Variants in DLC1 observed in about 807,000 individuals in gnomAD.
DLC1 encodes rho GTPase-activating protein 7.
DLC1 carries 54 observed loss-of-function variants against 140.3 expected under a neutral mutation model. The observed-to-expected ratio is 0.38, with a 90% confidence interval of 0.31 to 0.48. The LOEUF is 0.48. DLC1 is among the 20% of genes least tolerant of loss of function. The probability of loss-of-function intolerance (pLI) is 0.96; values close to 1 mark genes in which losing one functional copy is unlikely to be tolerated. For synonymous variants in DLC1, 986 were observed against 728.1 expected, an observed-to-expected ratio of 1.35 and a Z score of -5.70; for missense variants, 2,536 against 1,907.0, an observed-to-expected ratio of 1.33 and a Z score of -6.14.
intron 2 of DLC1, among the ~76,000 whole-genome samples, chr8:13,438,088 A>G (rs780884520): frequency 2.0e-5 from 3 of 150,804 alleles, no homozygotes; most frequent in Admixed American, 6.6e-5. Context: ...CTCTTTCAAT[A>G]CTTTTCTCTA....
intron 5 of DLC1, 65 bp downstream of exon 5, chr8:13,305,204 T>C (rs1253862823): frequency 6.3e-7 from 1 of 1,584,658 alleles, no homozygotes; most frequent in Admixed American, 1.8e-5. Flanking sequence ...ATAAAATGCC[T>C]ATTTTAAGGT....
intron 1 of DLC1, chr8:13,584,203 C>A (rs182145327): frequency 2.7e-3 from 407 of 153,528 alleles, no homozygotes; most frequent in Non-Finnish European, 4.3e-3. Flanking sequence ...CTAGACAGTG[C>A]GAACTGCTGA....
chr8:13,410,502 C>G lies in DLC1; in HGVS notation c.1024-8883G>C, dbSNP rs571174795. Reference sequence around the variant, plus strand: ...AATTTCAACAAATCAAAGAATTTGGCTTAACAAAGAAAAACGCAAGACCAC... The same window carrying G: ...AATTTCAACAAATCAAAGAATTTGGGTTAACAAAGAAAAACGCAAGACCAC... On this transcript the variant is annotated intron_variant, in intron 2 of 17. Transcript: ENST00000276297. 1.2e-4 allele frequency among the ~76,000 whole-genome samples: 18 copies of G among 152,014 alleles called. No homozygotes were observed. In the South Asian group the frequency reaches 3.5e-3, roughly 30 times the overall value.
At chr8:13,112,115 C>T (rs962903947) in intron 6 of DLC1, among the ~76,000 whole-genome samples, 2 of 152,088 alleles carry the variant, frequency 1.3e-5, no homozygotes, top group African/African-American at 4.8e-5. Flanking sequence ...TATACCATTG[C>T]ACTTCAGCCT....
chr8:13,351,988 C>T (rs1265883423), intron 4 of DLC1, among the ~76,000 whole-genome samples: 1 of 152,206 alleles, frequency 6.6e-6, no homozygotes, highest in Non-Finnish European at 1.5e-5. Context: ...CCCGCCTTGG[C>T]CTCCCAAAGT....
chr8:13,121,625 T>C (rs1821079227), intron 5 of DLC1, among the ~76,000 whole-genome samples: 1 of 152,166 alleles, frequency 6.6e-6, no homozygotes, highest in African/African-American at 2.4e-5. Flanking sequence ...CACAGCTCTC[T>C]GTAGCCTTGA....
intron 5 of DLC1, among the ~76,000 whole-genome samples, chr8:13,215,862 T>G (rs1480003395): frequency 6.6e-6 from 1 of 152,120 alleles, no homozygotes; most frequent in Non-Finnish European, 1.5e-5. Flanking sequence ...AATCTACTGA[T>G]TTTTCTGTCT....
intron 5 of DLC1, among the ~76,000 whole-genome samples, chr8:13,145,376 TAA>T (rs771958526): frequency 6.6e-6 from 1 of 152,218 alleles, no homozygotes; most frequent in Non-Finnish European, 1.5e-5. Context: ...AAACGTATAC[TAA>T]GTTTATACTT....
Position 13,421,432 on chromosome 8 carries a change from A to G in DLC1, c.1024-19813T>C, listed in dbSNP as rs549894848. On this transcript the variant is annotated intron_variant, in intron 2 of 17. Coordinates refer to ENST00000276297, the MANE Select transcript of DLC1 (RefSeq NM_182643.3). ...TAATCTTTAATAACCATCTGCATAT[A>G]TCTGGCAATCTCTAAAAGTCAAAGT... Among the ~76,000 whole-genome samples the G allele has an allele frequency of 1.0e-3, 157 of 152,292 alleles. No individual in the cohort carries two copies. In the East Asian group the frequency reaches 0.011, roughly 11 times the overall value.
chr8:13,440,559 A>C (rs1798460784), intron 2 of DLC1, among the ~76,000 whole-genome samples: 1 of 151,860 alleles, frequency 6.6e-6, no homozygotes, highest in African/African-American at 2.4e-5. Flanking sequence ...GAGATGAAAC[A>C]TCCAATTCTC....
At chr8:13,528,111 A>G (rs1802977247) in intron 1 of DLC1, among the ~76,000 whole-genome samples, 1 of 152,154 alleles carries the variant, frequency 6.6e-6, no homozygotes. Context: ...GTGACATCTT[A>G]ACCATAAGAA....
chr8:13,547,707 T>A (rs867741745), intron 1 of DLC1, among the ~76,000 whole-genome samples: 8 of 152,076 alleles, frequency 5.3e-5, no homozygotes, highest in Admixed American at 4.6e-4. Context: ...GCTCGACTAA[T>A]AACAAAATAT....
At chr8:13,143,086 A>G (rs1481447198) in intron 5 of DLC1, among the ~76,000 whole-genome samples, 4 of 152,104 alleles carry the variant, frequency 2.6e-5, no homozygotes, top group African/African-American at 9.7e-5. Flanking sequence ...AAACTAACCA[A>G]TATCATATTG....
At chr8:13,304,040 G>A (rs902125353) in intron 5 of DLC1, among the ~76,000 whole-genome samples, 2 of 152,130 alleles carry the variant, frequency 1.3e-5, no homozygotes, top group African/African-American at 4.8e-5. Context: ...TTCTGGAATA[G>A]GATGACAACT....
chr8:13,221,747 ATAAACCAT>A, intron 5 of DLC1, among the ~76,000 whole-genome samples: 1 of 132,554 alleles, frequency 7.5e-6, no homozygotes. Context: ...TATATATATG[ATAAACCAT>A]TATATATAAT....
intron 5 of DLC1, among the ~76,000 whole-genome samples, chr8:13,285,883 T>C (rs963644074): frequency 1.3e-5 from 2 of 152,136 alleles, no homozygotes; most frequent in African/African-American, 2.4e-5. Flanking sequence ...GTGGCAGAGA[T>C]CAGCTCAGTG....
intron 4 of DLC1, among the ~76,000 whole-genome samples, chr8:13,345,253 T>C (rs1174292363): frequency 1.3e-5 from 2 of 152,162 alleles, no homozygotes; most frequent in Non-Finnish European, 2.9e-5. Flanking sequence ...CTTCCCCAAC[T>C]GTCATGTATT....
chr8:13,377,830 A>G (rs970713983), intron 4 of DLC1, among the ~76,000 whole-genome samples: 2 of 151,962 alleles, frequency 1.3e-5, no homozygotes, highest in Non-Finnish European at 2.9e-5. Flanking sequence ...GTGTAAATCT[A>G]TTGGCCTCCT....
intron 5 of DLC1, among the ~76,000 whole-genome samples, chr8:13,149,900 A>G (rs1245130963): frequency 6.6e-6 from 1 of 152,240 alleles, no homozygotes; most frequent in Non-Finnish European, 1.5e-5. Context: ...AATTACTCTC[A>G]AAATCCAAAA....
Sources: gnomAD v4.1 joint callset for allele counts (sites outside exome capture counted in the v4.1 genomes callset) on GRCh38, gnomAD v4.1.1 for gene constraint, MANE v1.5 for transcripts, NCBI Gene and HGNC (gene_info 2026-07-23, HGNC 2026-07-21) for gene names.